PPA2: variants seen among roughly 807,000 people sequenced by gnomAD.
The protein encoded by PPA2 is inorganic pyrophosphatase 2, mitochondrial.
Under a neutral mutation model 49.5 loss-of-function variants are expected in PPA2, and 48 were observed. The observed-to-expected ratio is 0.97, with a 90% CI of 0.77 to 1.23. The LOEUF is 1.23. Ranked by LOEUF, PPA2 falls within the 50% of genes most tolerant of loss-of-function variation. The probability of loss-of-function intolerance (pLI) is 0.00; values close to 1 mark genes in which losing one functional copy is unlikely to be tolerated. For synonymous variants in PPA2, 131 were observed against 139.9 expected (o/e 0.94, Z 0.45); for missense variants, 429 against 410.1 (o/e 1.05, Z -0.40).
intron 10 of PPA2, among the ~76,000 whole-genome samples, chr4:105,373,433 C>T (rs1352292814): frequency 6.6e-6 from 1 of 151,432 alleles, no homozygotes; most frequent in Admixed American, 6.6e-5. Context: ...TTGTGTCCTG[C>T]ACAATTTAAG....
At chr4:105,440,688 A>T (rs1329423936) in intron 5 of PPA2, among the ~76,000 whole-genome samples, 1 of 151,682 alleles carries the variant, frequency 6.6e-6, no homozygotes, top group East Asian at 1.9e-4. Flanking sequence ...GACAATTTTG[A>T]TGAGCATTAA....
intron 3 of PPA2, among the ~76,000 whole-genome samples, chr4:105,450,995 T>G (rs1722655492): frequency 6.6e-6 from 1 of 152,192 alleles, no homozygotes; most frequent in Non-Finnish European, 1.5e-5. Context: ...AAAACTAGTC[T>G]TTCATCCCAA....
chr4:105,399,992 T>C lies in PPA2; in HGVS notation c.656-828A>G, dbSNP rs1046336585. Among the ~76,000 whole-genome samples the C allele has an allele frequency of 3.9e-5, 6 of 152,122 alleles. 1 individual carries two copies. The highest frequency in any genetic ancestry group is 2.1e-4 in the South Asian group (1 of 4,836). On this transcript the variant is annotated intron_variant, in intron 7 of 11. Coordinates refer to ENST00000341695, the MANE Select transcript of PPA2 (RefSeq NM_176869.3). ...CCCAGTGTGGCCACATTCTATATAC[T>C]ACCCACCATTAGTCACTTAGTAGCC... is the stretch of plus-strand genomic sequence containing the variant.
chr4:105,409,301 C>T (rs937122058), intron 7 of PPA2, among the ~76,000 whole-genome samples: 3 of 152,222 alleles, frequency 2.0e-5, no homozygotes, highest in East Asian at 3.8e-4. Context: ...TCACTGCTAG[C>T]GCAGCAGTCT....
intron 1 of PPA2, among the ~76,000 whole-genome samples, chr4:105,470,387 G>C (rs1242229407): frequency 6.6e-6 from 1 of 152,220 alleles, no homozygotes; most frequent in Non-Finnish European, 1.5e-5. Context: ...CCAGGAGACA[G>C]AGGTGAGAGG....
chr4:105,424,904 A>T (rs879118210), intron 6 of PPA2, among the ~76,000 whole-genome samples: 2 of 152,248 alleles, frequency 1.3e-5, no homozygotes, highest in Admixed American at 1.3e-4. Flanking sequence ...ATGAGACTTT[A>T]TAAGTCAAGG....
intron 10 of PPA2, among the ~76,000 whole-genome samples, chr4:105,376,889 T>C (rs1022586655): frequency 1.3e-5 from 2 of 152,194 alleles, no homozygotes; most frequent in Non-Finnish European, 2.9e-5. Context: ...GTAAAATGAC[T>C]ACAGTACCAA....
chr4:105,426,353 G>A (rs1275539875), intron 6 of PPA2, among the ~76,000 whole-genome samples: 4 of 152,124 alleles, frequency 2.6e-5, no homozygotes, highest in Non-Finnish European at 5.9e-5. Context: ...TGCAGCCCTC[G>A]GAGAGCAAGC....
At chr4:105,425,646 GAATA>G (rs1723463104) in intron 6 of PPA2, among the ~76,000 whole-genome samples, 2 of 150,636 alleles carry the variant, frequency 1.3e-5, no homozygotes, top group African/African-American at 2.4e-5. Flanking sequence ...AAAAATATTT[GAATA>G]AATAACGTCC....
chr4:105,453,733 C>T (rs913822152), intron 2 of PPA2, 91 bp from the exon 3 acceptor site: 1 of 961,836 alleles, frequency 1.0e-6, no homozygotes, highest in Non-Finnish European at 1.5e-6. Context: ...ATTGTATAGA[C>T]ATTCTACACA....
intron 2 of PPA2, among the ~76,000 whole-genome samples, chr4:105,455,141 G>A (rs1488694953): frequency 6.6e-6 from 1 of 152,140 alleles, no homozygotes; most frequent in East Asian, 1.9e-4. Context: ...ACAGTGCCTA[G>A]AACAGTGCCT....
chr4:105,456,281 G>A (rs1722871100), intron 2 of PPA2: 1 of 464,308 alleles, frequency 2.2e-6, no homozygotes, highest in Non-Finnish European at 4.3e-6. Flanking sequence ...AATGCCTTGA[G>A]CCTCAGTGTC....
chr4:105,417,157 G>A (rs2110259865), intron 7 of PPA2, among the ~76,000 whole-genome samples: 1 of 152,284 alleles, frequency 6.6e-6, no homozygotes, highest in South Asian at 2.1e-4. Context: ...CAGGTCTCAG[G>A]TCAGACTGAC....
intron 4 of PPA2, among the ~76,000 whole-genome samples, chr4:105,448,447 G>A (rs1046385284): frequency 7.3e-5 from 11 of 151,674 alleles, no homozygotes; most frequent in Admixed American, 5.3e-4. Context: ...ACAAAGTAAC[G>A]TAAATTAAAT....
chr4:105,463,988 G>T (rs1179629415), intron 1 of PPA2, among the ~76,000 whole-genome samples: 1 of 152,276 alleles, frequency 6.6e-6, no homozygotes, highest in Middle Eastern at 3.4e-3. Context: ...TCCCTATTGG[G>T]GCACTGCCTA....
At chr4:105,405,954 T>A (rs769450781) in intron 7 of PPA2, 1 of 392,496 alleles carries the variant, frequency 2.5e-6, no homozygotes, top group South Asian at 1.8e-5. Context: ...GAGACCTGTA[T>A]CAAGAGAAAA....
intron 7 of PPA2, chr4:105,405,476 C>A (rs1042611349): frequency 2.2e-6 from 2 of 896,696 alleles, no homozygotes; most frequent in African/African-American, 3.6e-5. Flanking sequence ...GTTAAATTAA[C>A]CCCTCTTTTA....
intron 7 of PPA2, among the ~76,000 whole-genome samples, chr4:105,421,378 CTT>C (rs1723245910): frequency 6.6e-6 from 1 of 152,066 alleles, no homozygotes; most frequent in African/African-American, 2.4e-5. Flanking sequence ...GGAAGAAAAA[CTT>C]TACTTTCATT....
At chr4:105,437,881 TA>T in intron 6 of PPA2, 68 bp downstream of exon 6, 2 of 1,249,128 alleles carry the variant, frequency 1.6e-6, no homozygotes, top group South Asian at 1.4e-5. Context: ...AACTAGAGGC[TA>T]AAATGAAATT....
Sources: allele counts gnomAD v4.1 joint callset (sites outside exome capture counted in the v4.1 genomes callset), GRCh38; gene constraint gnomAD v4.1.1; transcripts MANE v1.5; gene names NCBI Gene and HGNC (gene_info 2026-07-23, HGNC 2026-07-21).